Variants in CCDC81 observed in about 807,000 individuals in gnomAD.
The protein encoded by CCDC81 is coiled-coil domain containing 81.
CCDC81 carries 79 observed loss-of-function variants against 83.7 expected under a neutral mutation model. The ratio of observed to expected loss-of-function variants is 0.94; its 90% CI spans 0.79 to 1.14. CCDC81 has a LOEUF of 1.14. Among genes scored for constraint, CCDC81 ranks in the 50% most tolerant of loss-of-function variants. The probability of loss-of-function intolerance (pLI) is 0.00; values close to 1 mark genes in which losing one functional copy is unlikely to be tolerated. For synonymous variants in CCDC81, 252 were observed against 278.1 expected (o/e 0.91, Z 0.93); for missense variants, 791 against 778.1 (o/e 1.02, Z -0.20).
rs748190527 is a variant in CCDC81, at chr11:86,420,048, T to C, written c.1812T>C (p.Phe604=). 1.4e-5 allele frequency: 22 copies of C among 1,612,920 alleles called. No homozygotes were observed. The highest frequency in any genetic ancestry group is 1.9e-5 in the Non-Finnish European group (22 of 1,179,624). The change falls in exon 14 of 15, where the codon TTT becomes TTC. Residue 604 remains phenylalanine, a synonymous_variant. Transcript: ENST00000445632. ...AGCGAGACCTGGAGGACAAGGCTTT[T>C]GAACGGTAATGCCTGATTGGAACCC... ...KKQRDLEDKA[F]ERASDKLFLL...
At chr11:86,397,232 C>G (rs1317420456) in intron 5 of CCDC81, among the ~76,000 whole-genome samples, 5 of 152,186 alleles carry the variant, frequency 3.3e-5, no homozygotes, top group African/African-American at 9.7e-5. Flanking sequence ...GGGGCATACT[C>G]TACCAGGCTA....
At chr11:86,417,313 T>A (rs866827951) in intron 13 of CCDC81, among the ~76,000 whole-genome samples, 3 of 151,372 alleles carry the variant, frequency 2.0e-5, no homozygotes, top group Middle Eastern at 7.0e-3. Flanking sequence ...AATAGGAAAA[T>A]TTTTTAAATT....
At chr11:86,391,669 T>C (rs999308688) in intron 3 of CCDC81, among the ~76,000 whole-genome samples, 4 of 152,218 alleles carry the variant, frequency 2.6e-5, no homozygotes, top group African/African-American at 4.8e-5. Flanking sequence ...CTAGTGAAGA[T>C]GGGTATCTTT....
chr11:86,403,655 A>G (rs1339279929), intron 7 of CCDC81, among the ~76,000 whole-genome samples: 1 of 152,210 alleles, frequency 6.6e-6, no homozygotes, highest in Admixed American at 6.5e-5. Context: ...CCTTAAGAGC[A>G]TATCAAAGGC....
At chr11:86,378,559 T>G (rs925083629) in intron 1 of CCDC81, among the ~76,000 whole-genome samples, 1 of 152,244 alleles carries the variant, frequency 6.6e-6, no homozygotes, top group Non-Finnish European at 1.5e-5. Context: ...TCATTTCTGA[T>G]AGGTGAGTAC....
In CCDC81 at chr11:86,419,988, G is replaced by C; in HGVS notation, c.1752G>C (p.Gln584His). Residue 584 changes from glutamine (Q) to histidine (H), a missense_variant, in exon 14 of 15, where the codon CAG (glutamine) becomes CAC (histidine). Coordinates refer to ENST00000445632, the MANE Select transcript of CCDC81 (RefSeq NM_001156474.2). ...ERVNRVNQCL[Q>H]EDWERSAAMK... ...TAAATAGAGTCAACCAATGCTTACA[G>C]GAGGACTGGGAAAGGAGTGCTGCGA... 1 of 1,614,006 alleles carries C rather than the reference G, an allele frequency of 6.2e-7. No homozygotes were observed. Among genetic ancestry groups the C allele is most frequent in the Non-Finnish European group, 8.5e-7 (1 of 1,179,954 alleles).
intron 11 of CCDC81, 106 bp from the exon 12 acceptor site, chr11:86,414,683 A>T: frequency 9.1e-6 from 6 of 658,390 alleles, no homozygotes; most frequent in Admixed American, 3.2e-5. Flanking sequence ...TATTTACCAG[A>T]CTCTTGTTCC....
At chr11:86,409,066 A>T (rs1240969374) in intron 9 of CCDC81, among the ~76,000 whole-genome samples, 195 bp from the exon 10 acceptor site, 1 of 152,178 alleles carries the variant, frequency 6.6e-6, no homozygotes, top group Non-Finnish European at 1.5e-5. Flanking sequence ...AAAGGCCAAG[A>T]AAAGGAAATA....
At chr11:86,393,873 A>G (rs759589646) in intron 4 of CCDC81, among the ~76,000 whole-genome samples, 7 of 152,176 alleles carry the variant, frequency 4.6e-5, no homozygotes, top group Non-Finnish European at 1.0e-4. Flanking sequence ...ATGTTATATA[A>G]TCCTATATCC....
At chr11:86,400,428 T>C (rs188866784) in intron 6 of CCDC81, among the ~76,000 whole-genome samples, 362 of 152,358 alleles carry the variant, frequency 2.4e-3, no homozygotes, top group Middle Eastern at 3.4e-3. Context: ...ACACGTCTCC[T>C]GGTCATGTTA....
intron 11 of CCDC81, 102 bp downstream of exon 11, chr11:86,412,661 C>T: frequency 9.5e-7 from 1 of 1,048,340 alleles, no homozygotes; most frequent in Non-Finnish European, 1.4e-6. Flanking sequence ...CATTAGCACA[C>T]TGTAACCAAC....
At chr11:86,413,961 TAAG>T (rs2138538107) in intron 11 of CCDC81, among the ~76,000 whole-genome samples, 1 of 152,264 alleles carries the variant, frequency 6.6e-6, no homozygotes, top group African/African-American at 2.4e-5. Context: ...CTAAAACAAA[TAAG>T]AAGCAAGTTT....
rs776257701 is a variant in CCDC81 at position 86,415,290 on chromosome 11, A to C, written c.1668A>C (p.Gln556His). The change falls in exon 13 of 15, where the codon CAA (glutamine) becomes CAC (histidine). Residue 556 changes from glutamine to histidine, a missense_variant. Gln to His is a conservative substitution (Grantham distance 24). Coordinates refer to ENST00000445632, the MANE Select transcript of CCDC81 (RefSeq NM_001156474.2). ...HQLVDQRRDLQMLQRTQREHL... is the reference protein window; with the variant it reads ...HQLVDQRRDLHMLQRTQREHL... ...TAGTGGACCAGAGGCGGGATTTGCA[A>C]ATGCTTCAGAGGACACAAAGAGAGT... is the stretch of plus-strand genomic sequence containing the variant. 1 of 1,614,032 alleles carries C rather than the reference A, an allele frequency of 6.2e-7. No homozygotes were observed. Among genetic ancestry groups the C allele is most frequent in the Admixed American group, 1.7e-5 (1 of 60,014 alleles).
At chr11:86,416,423 TA>T (rs1263989448) in intron 13 of CCDC81, among the ~76,000 whole-genome samples, 1 of 152,244 alleles carries the variant, frequency 6.6e-6, no homozygotes, top group African/African-American at 2.4e-5. Flanking sequence ...TTGCTAAGAC[TA>T]TTGCTACTTC....
intron 7 of CCDC81, among the ~76,000 whole-genome samples, chr11:86,401,189 A>G (rs1227699062): frequency 2.6e-5 from 4 of 152,214 alleles, no homozygotes; most frequent in African/African-American, 9.6e-5. Context: ...AGTTTTGCCA[A>G]ACATAGCCAG....
intron 1 of CCDC81, among the ~76,000 whole-genome samples, chr11:86,384,138 T>C (rs1226844727): frequency 1.3e-5 from 2 of 152,264 alleles, no homozygotes; most frequent in Non-Finnish European, 2.9e-5. Context: ...GTTAGAGTCA[T>C]AAATTTAACA....
At position 86,376,713 on chromosome 11, in the gene CCDC81, G is replaced by A. The variant is rs79011146; in HGVS notation, c.79+1471G>A. Among the ~76,000 whole-genome samples, 11 of 152,326 alleles carry A rather than the reference G, an allele frequency of 7.2e-5. No individual in the cohort carries two copies. In the East Asian group the frequency reaches 1.9e-3, roughly 27 times the overall value. The stretch of plus-strand genomic sequence containing the variant: ...ATCAGACAGAGATGTCCCACATACT[G>A]TCTAATCCTACACTTGGATAGACTC... On this transcript the variant is annotated intron_variant, in intron 1 of 14. Coordinates refer to ENST00000445632, the MANE Select transcript of CCDC81 (RefSeq NM_001156474.2).
intron 2 of CCDC81, among the ~76,000 whole-genome samples, chr11:86,387,046 A>G (rs972375351): frequency 1.3e-5 from 2 of 152,226 alleles, no homozygotes; most frequent in South Asian, 2.1e-4. Context: ...GCTTCTACTC[A>G]TCAGCCAGGA....
intron 7 of CCDC81, among the ~76,000 whole-genome samples, chr11:86,405,006 T>C (rs1238310697): frequency 1.3e-5 from 2 of 152,208 alleles, no homozygotes; most frequent in Non-Finnish European, 2.9e-5. Flanking sequence ...TTGAAGACAT[T>C]GTATACTACT....
Sources: gnomAD v4.1 joint callset for allele counts (sites outside exome capture counted in the v4.1 genomes callset) on GRCh38, gnomAD v4.1.1 for gene constraint, MANE v1.5 for transcripts, NCBI Gene and HGNC (gene_info 2026-07-23, HGNC 2026-07-21) for gene names.